Variants in MLLT1 observed in about 807,000 individuals in gnomAD.
MLLT1 encodes MLLT1 super elongation complex subunit.
A neutral mutation model predicts 55.1 loss-of-function variants in MLLT1; 11 were observed. The ratio of observed to expected loss-of-function variants is 0.20; its 90% CI spans 0.13 to 0.33. The LOEUF (loss-of-function observed/expected upper bound fraction) is 0.33, where lower values mean the gene tolerates loss of function less well. Ranked by LOEUF, MLLT1 falls within the 10% of genes least tolerant of loss-of-function variation. The pLI is 1.00. For missense variants in MLLT1, 536 were observed against 760.6 expected, an observed-to-expected ratio of 0.70 and a Z score of 3.47; for synonymous variants, 323 against 320.1, an observed-to-expected ratio of 1.01 and a Z score of -0.10.
chr19:6,275,630 G>T (rs543608993), intron 1 of MLLT1, among the ~76,000 whole-genome samples: 2 of 152,194 alleles, frequency 1.3e-5, no homozygotes, highest in East Asian at 3.9e-4. Context: ...CCGGGTCCTG[G>T]TCCCCTGACT....
intron 1 of MLLT1, among the ~76,000 whole-genome samples, chr19:6,277,050 G>A (rs1406776604): frequency 6.6e-6 from 1 of 152,226 alleles, no homozygotes; most frequent in East Asian, 1.9e-4. Context: ...ACATTTTGTG[G>A]CATCTGGGGG....
At chr19:6,275,314 C>T (rs2091422476) in intron 1 of MLLT1, among the ~76,000 whole-genome samples, 1 of 152,182 alleles carries the variant, frequency 6.6e-6, no homozygotes, top group African/African-American at 2.4e-5. Context: ...ACTGAGGAGT[C>T]GTTTCCCCCT....
rs1374734657 is a variant in MLLT1 at position 6,273,494 on chromosome 19, G to T, written c.13-2735C>A. ...CCCCCACCAAACACACGAGGTGAGGGCTGAGCACCGGCATGGCAATACTCA... is the reference window on the plus strand; with the variant it reads ...CCCCCACCAAACACACGAGGTGAGGTCTGAGCACCGGCATGGCAATACTCA... On this transcript the variant is annotated intron_variant, in intron 1 of 11. Coordinates refer to ENST00000252674, the MANE Select transcript of MLLT1 (RefSeq NM_005934.4). The surrounding 1 kb of genome is among the most constrained non-coding windows in gnomAD (Gnocchi z 4.3). Among the ~76,000 whole-genome samples the T allele has an allele frequency of 6.6e-6, 1 of 152,192 alleles. No individual in the cohort carries two copies. Among genetic ancestry groups the T allele is most frequent in the Admixed American group, 6.5e-5 (1 of 15,282 alleles).
chr19:6,234,264 C>T (rs1026547269), intron 3 of MLLT1, among the ~76,000 whole-genome samples: 4 of 152,352 alleles, frequency 2.6e-5, no homozygotes, highest in Middle Eastern at 3.4e-3. Context: ...GGTGGTGACG[C>T]CGACCCTGGG....
intron 3 of MLLT1, among the ~76,000 whole-genome samples, chr19:6,248,885 T>C (rs1188444506): frequency 1.3e-5 from 2 of 152,228 alleles, no homozygotes; most frequent in African/African-American, 4.8e-5. Context: ...TTCTCTGTAC[T>C]ATCTTTGCAG....
At position 6,235,814 on chromosome 19, in the gene MLLT1, G is replaced by A. The variant is rs1363293832; in HGVS notation, c.277-5101C>T. Among the ~76,000 whole-genome samples the A allele has an allele frequency of 6.6e-6, 1 of 152,130 alleles. No individual in the cohort carries two copies. The highest frequency in any genetic ancestry group is 1.9e-4 in the East Asian group (1 of 5,190). ...CTGGAGGAGGCTCCACATCCTCGGT[G>A]CAGCCAGAGGGACATGCTGCCTTCT... On this transcript the variant is annotated intron_variant, in intron 3 of 11. Coordinates refer to ENST00000252674, the MANE Select transcript of MLLT1 (RefSeq NM_005934.4). This position sits in a 1 kb window ranked among gnomAD's most constrained non-coding sequence, Gnocchi z 5.5.
intron 3 of MLLT1, among the ~76,000 whole-genome samples, chr19:6,246,856 C>T (rs976590891): frequency 6.6e-6 from 1 of 152,136 alleles, no homozygotes; most frequent in African/African-American, 2.4e-5. Flanking sequence ...ACATGACCAC[C>T]CCAGGGAAAG....
At chr19:6,225,135 G>A (rs563513987) in intron 5 of MLLT1, among the ~76,000 whole-genome samples, 1 of 152,344 alleles carries the variant, frequency 6.6e-6, no homozygotes, top group East Asian at 1.9e-4. Flanking sequence ...CTGCTGCCAG[G>A]CAAGGCTGTG....
At position 6,222,238 on chromosome 19, in the gene MLLT1, C is replaced by T. The variant is rs773998148; in HGVS notation, c.993G>A (p.Lys331=). 2 of 1,613,160 alleles carry T rather than the reference C, an allele frequency of 1.2e-6. No individual in the cohort carries two copies. ...TCTCCCCTCTGGTGCTGCTCTTGTCCTTGGCCGGCTTCTTGTCCGAGAAGG... is the reference window on the plus strand; with the variant it reads ...TCTCCCCTCTGGTGCTGCTCTTGTCTTTGGCCGGCTTCTTGTCCGAGAAGG... The part of the protein sequence containing the change: ...SSSFSDKKPA[K]DKSSTRGEKV... The change falls in exon 6 of 12, where the codon AAG becomes AAA. Residue 331 remains lysine (K), a synonymous_variant. Coordinates refer to ENST00000252674, the MANE Select transcript of MLLT1 (RefSeq NM_005934.4). The surrounding 1 kb of genome is among the most constrained non-coding windows in gnomAD (Gnocchi z 4.1).
At position 6,214,047 on chromosome 19, in the gene MLLT1, A is replaced by C; in HGVS notation, c.1308-9T>G. 1.4e-6 allele frequency: 2 copies of C among 1,414,212 alleles called. No individual in the cohort carries two copies. The highest frequency in any genetic ancestry group is 1.8e-6 in the Non-Finnish European group (2 of 1,083,492). 87.6% of individuals were successfully genotyped at this position (1,414,212 alleles called of 1,614,324 possible). A position where few individuals can be genotyped will look rare whatever the true frequency, so the allele number is the denominator to read the frequency against. On this transcript the variant is annotated splice_polypyrimidine_tract_variant and intron_variant, in intron 8 of 11. Coordinates refer to ENST00000252674, the MANE Select transcript of MLLT1 (RefSeq NM_005934.4). ...TGTCGCTGAAGCTCAACCTGAACCGACACACGGGGGCGCATCAGGCCCCTG... is the reference window on the plus strand; with the variant it reads ...TGTCGCTGAAGCTCAACCTGAACCGCCACACGGGGGCGCATCAGGCCCCTG...
At chr19:6,232,168 G>A (rs13343298) in intron 3 of MLLT1, among the ~76,000 whole-genome samples, 6,609 of 152,164 alleles carry the variant, frequency 0.043, 405 homozygotes, top group East Asian at 0.13. Flanking sequence ...TCCGGTAGGC[G>A]GAGGTTGCAG....
intron 4 of MLLT1, among the ~76,000 whole-genome samples, chr19:6,228,692 C>A (rs555179285): frequency 6.6e-6 from 1 of 152,162 alleles, no homozygotes; most frequent in African/African-American, 2.4e-5. Flanking sequence ...TGCTGCTAGA[C>A]GGCCACTGCC....
In MLLT1 at chr19:6,222,266, G is replaced by A. The variant is rs201482151; in HGVS notation, c.965C>T (p.Ser322Phe). The A allele has an allele frequency of 5.3e-4, 851 of 1,612,068 alleles. No individual in the cohort carries two copies. Among genetic ancestry groups the A allele is most frequent in the Non-Finnish European group, 6.9e-4 (813 of 1,179,230 alleles). The change falls in exon 6 of 12, where the codon TCC becomes TTC. Residue 322 changes from serine (S) to phenylalanine (F), a missense_variant. By Grantham distance (155) the Ser-to-Phe change is radical. Coordinates refer to ENST00000252674, the MANE Select transcript of MLLT1 (RefSeq NM_005934.4). The surrounding 1 kb of genome is among the most constrained non-coding windows in gnomAD (Gnocchi z 4.1). The stretch of plus-strand genomic sequence containing the variant: ...GGCCGGCTTCTTGTCCGAGAAGGAG[G>A]AGGAGGAGGAGGTGCGGGGCGAGGT... The part of the protein sequence containing the change: ...PGTSPRTSSS[S>F]SFSDKKPAKD...
intron 2 of MLLT1, chr19:6,263,079 G>A (rs2091318560): frequency 6.6e-6 from 1 of 152,282 alleles, no homozygotes; most frequent in African/African-American, 2.4e-5. Context: ...AGCTACTCAG[G>A]AAGCTGAAGC....
At chr19:6,224,711 C>T (rs1031832221) in intron 5 of MLLT1, among the ~76,000 whole-genome samples, 5 of 152,146 alleles carry the variant, frequency 3.3e-5, no homozygotes, top group Admixed American at 1.3e-4. Context: ...TTAGGCACTA[C>T]GATTTTTTTG....
intron 3 of MLLT1, among the ~76,000 whole-genome samples, chr19:6,243,909 T>C (rs1797583603): frequency 6.6e-6 from 1 of 151,612 alleles, no homozygotes; most frequent in Non-Finnish European, 1.5e-5. Context: ...CCAGGCATGG[T>C]GGCGGGCGCC....
chr19:6,221,987 G>A (rs1568277099), intron 6 of MLLT1, 134 bp downstream of exon 6: 2 of 649,970 alleles, frequency 3.1e-6, no homozygotes, highest in Non-Finnish European at 4.6e-6. Flanking sequence ...CAGGTTACAA[G>A]AAGCCAGTGG....
At chr19:6,265,052 A>AAAC (rs763670906) in intron 2 of MLLT1, among the ~76,000 whole-genome samples, 14 of 32,996 alleles carry the variant, frequency 4.2e-4, no homozygotes, top group Non-Finnish European at 1.2e-3. Flanking sequence ...AAAAAAACAA[A>AAAC]AAAACAAAAA....
At chr19:6,236,574 C>T (rs1008328248) in intron 3 of MLLT1, among the ~76,000 whole-genome samples, 4 of 152,154 alleles carry the variant, frequency 2.6e-5, no homozygotes, top group Non-Finnish European at 5.9e-5. Context: ...GGTCACGCCC[C>T]GAAGCACCCT....
Sources: gnomAD v4.1 joint callset for allele counts (sites outside exome capture counted in the v4.1 genomes callset) on GRCh38, gnomAD v4.1.1 for gene constraint, Gnocchi (gnomAD v3.1) non-coding constraint, MANE v1.5 for transcripts, NCBI Gene and HGNC (gene_info 2026-07-23, HGNC 2026-07-21) for gene names.